FRMD6: variants seen among roughly 807,000 people sequenced by gnomAD.
FRMD6 encodes FERM domain containing 6, also known as FERM domain-containing protein 6.
Under a neutral mutation model 73.2 loss-of-function variants are expected in FRMD6, and 37 were observed. The ratio of observed to expected loss-of-function variants is 0.51; its 90% CI spans 0.39 to 0.66. FRMD6 has a LOEUF of 0.66. Ranked by LOEUF, FRMD6 falls within the 30% of genes least tolerant of loss-of-function variation. FRMD6 has a pLI of 0.00. For synonymous variants in FRMD6, 273 were observed against 282.2 expected (o/e 0.97, Z 0.33); for missense variants, 714 against 780.5 (o/e 0.91, Z 1.02).
chr14:51,430,601 T>TA, the FRMD6 span, among the ~76,000 whole-genome samples: 294 of 139,706 alleles, frequency 2.1e-3, no homozygotes, highest in East Asian at 5.7e-3. Flanking sequence ...CAGGGAATCA[T>TA]AAAAAAAAAA....
intron 1 of FRMD6, among the ~76,000 whole-genome samples, chr14:51,658,369 T>A (rs750428488): frequency 6.6e-6 from 1 of 152,104 alleles, no homozygotes; most frequent in Non-Finnish European, 1.5e-5. Flanking sequence ...AATGAGACTT[T>A]GGGTTGTAAG....
chr14:51,581,257 T>C (rs1888707988), intron 2 of FRMD6, among the ~76,000 whole-genome samples: 1 of 152,198 alleles, frequency 6.6e-6, no homozygotes, highest in South Asian at 2.1e-4. Context: ...TCTTTCTTTA[T>C]CTACTACCTC....
At chr14:51,656,308 G>GA (rs1205864290) in intron 1 of FRMD6, among the ~76,000 whole-genome samples, 1 of 152,162 alleles carries the variant, frequency 6.6e-6, no homozygotes, top group Non-Finnish European at 1.5e-5. Context: ...GTCAAGAAGA[G>GA]AAAAATGTGC....
chr14:51,661,545 A>G (rs1251151965), intron 1 of FRMD6, among the ~76,000 whole-genome samples: 1 of 152,156 alleles, frequency 6.6e-6, no homozygotes, highest in African/African-American at 2.4e-5. Flanking sequence ...ATAAGGAGGA[A>G]TCAGTAAAAG....
At chr14:51,585,129 G>C (rs956490416) in intron 2 of FRMD6, among the ~76,000 whole-genome samples, 3 of 152,114 alleles carry the variant, frequency 2.0e-5, no homozygotes, top group African/African-American at 7.2e-5. Flanking sequence ...TGGCAAGATG[G>C]AGTTCTTCCT....
At chr14:51,717,017 T>C (rs776840843) in intron 10 of FRMD6, among the ~76,000 whole-genome samples, 7 of 152,206 alleles carry the variant, frequency 4.6e-5, no homozygotes, top group Non-Finnish European at 8.8e-5. Context: ...CAGATGACCT[T>C]AAGAGATCCC....
chr14:51,473,149 C>A, the FRMD6 span, among the ~76,000 whole-genome samples: 2 of 152,142 alleles, frequency 1.3e-5, no homozygotes, highest in Non-Finnish European at 2.9e-5. Context: ...GTGCTTCCCA[C>A]GTCAGGATAA....
At chr14:51,456,390 G>A in the FRMD6 span, among the ~76,000 whole-genome samples, 33 of 152,202 alleles carry the variant, frequency 2.2e-4, 1 homozygote, top group African/African-American at 7.7e-4. Context: ...TTATGAGTGA[G>A]AACATATGGT....
rs1896390891 is a variant in FRMD6, at chr14:51,702,603, G to A, written c.371+15G>A. The A allele has an allele frequency of 6.2e-7, 1 of 1,602,280 alleles. No homozygotes were observed. Among genetic ancestry groups the A allele is most frequent in the Non-Finnish European group, 8.5e-7 (1 of 1,172,774 alleles). On this transcript the variant is annotated intron_variant, in intron 5 of 13. Transcript: ENST00000344768. ...AGATTGATCAGGTAAGAGGACAGGG[G>A]GTGATTCTAAACGCTTTTTTTTCCC...
At chr14:51,479,740 A>G in the FRMD6 span, among the ~76,000 whole-genome samples, 10,089 of 152,262 alleles carry the variant, frequency 0.066, 594 homozygotes, top group Admixed American at 0.19. Flanking sequence ...AAGTTTAATA[A>G]TAGAACTGAG....
At chr14:51,608,553 G>T (rs56224903) in intron 2 of FRMD6, among the ~76,000 whole-genome samples, 5,863 of 152,084 alleles carry the variant, frequency 0.039, 151 homozygotes, top group Middle Eastern at 0.1. Flanking sequence ...TTTTCTTGGT[G>T]GTTCAACCCC....
chr14:51,632,435 T>G (rs1402304538), intron 2 of FRMD6, among the ~76,000 whole-genome samples: 1 of 152,206 alleles, frequency 6.6e-6, no homozygotes, highest in Non-Finnish European at 1.5e-5. Context: ...TACAGTATAT[T>G]CAATGTGCAT....
upstream of FRMD6, chr14:51,649,847 C>A (rs1892255161): frequency 1.3e-5 from 2 of 152,210 alleles, no homozygotes. Flanking sequence ...TGGCCTCAAC[C>A]TCCTAGGCCC....
At chr14:51,696,430 T>A (rs1424989977) in intron 2 of FRMD6, among the ~76,000 whole-genome samples, 1 of 151,150 alleles carries the variant, frequency 6.6e-6, no homozygotes, top group Non-Finnish European at 1.5e-5. Context: ...AGTTATTATT[T>A]ATAATAATAA....
chr14:51,721,816 T>A lies in FRMD6; in HGVS notation c.1361-133T>A, dbSNP rs544561651. 1.1e-5 allele frequency: 10 copies of A among 890,730 alleles called. No individual in the cohort carries two copies. The South Asian group carries it at 1.8e-4, about 16-fold the overall frequency. The allele number at this position is 890,730 out of a possible 1,614,324, so 55.2% of individuals were successfully genotyped here. A position where few individuals can be genotyped will look rare whatever the true frequency, so the allele number is the denominator to read the frequency against. On this transcript the variant is annotated intron_variant, in intron 11 of 13. Coordinates refer to ENST00000344768, the MANE Select transcript of FRMD6 (RefSeq NM_001267046.2). ...CCTGTTGAAAATGGTCCCTGGAGTT[T>A]CCTATTGGAGTCTCATTAGCAAATT...
At chr14:51,693,220 T>C (rs1247267770) in intron 2 of FRMD6, among the ~76,000 whole-genome samples, 5 of 152,200 alleles carry the variant, frequency 3.3e-5, no homozygotes, top group Non-Finnish European at 7.3e-5. Flanking sequence ...AGAATAATAC[T>C]TACGCTGCAG....
intron 2 of FRMD6, among the ~76,000 whole-genome samples, chr14:51,585,802 A>G (rs961335657): frequency 1.3e-5 from 2 of 151,242 alleles, no homozygotes; most frequent in African/African-American, 2.4e-5. Flanking sequence ...GAGTGAGAAT[A>G]TGCAATATTT....
chr14:51,608,064 C>G (rs1890336791), intron 2 of FRMD6, among the ~76,000 whole-genome samples: 1 of 152,168 alleles, frequency 6.6e-6, no homozygotes, highest in Non-Finnish European at 1.5e-5. Context: ...CCAAACCCAG[C>G]TATTTACTCT....
intron 1 of FRMD6, among the ~76,000 whole-genome samples, chr14:51,545,671 T>C (rs1886431032): frequency 6.6e-6 from 1 of 152,090 alleles, no homozygotes; most frequent in African/African-American, 2.4e-5. Flanking sequence ...AAAGCGCTTT[T>C]CATAGAGCTC....
Sources: allele counts gnomAD v4.1 joint callset (sites outside exome capture counted in the v4.1 genomes callset), GRCh38; gene constraint gnomAD v4.1.1; transcripts MANE v1.5; gene names NCBI Gene and HGNC (gene_info 2026-07-23, HGNC 2026-07-21).